Variants in AHI1 observed in about 807,000 individuals in gnomAD.
AHI1 encodes the protein Abelson helper integration site 1.
Under a neutral mutation model 149.3 loss-of-function variants are expected in AHI1, and 123 were observed. That is an observed-to-expected ratio of 0.82 (90% CI 0.71 to 0.96). The LOEUF is 0.96. Among genes scored for constraint, AHI1 ranks in the 40% least tolerant of loss-of-function variants. The probability of loss-of-function intolerance (pLI) is 0.00; values close to 1 mark genes in which losing one functional copy is unlikely to be tolerated. For missense variants in AHI1, 1,439 were observed against 1,422.7 expected (o/e 1.01, Z -0.18); for synonymous variants, 475 against 459.8 (o/e 1.03, Z -0.42).
In AHI1 at chr6:135,323,144, A is replaced by C; in HGVS notation, c.3328+18T>G. 1 of 1,594,122 alleles carries C rather than the reference A, an allele frequency of 6.3e-7. No homozygotes were observed. Among genetic ancestry groups the C allele is most frequent in the Non-Finnish European group, 8.6e-7 (1 of 1,167,716 alleles). Reference sequence around the variant, plus strand: ...GTTATACCATACTAGTAAACCAGGAAGGGAGCATAAAACTTACTTTCACTA... The same window carrying C: ...GTTATACCATACTAGTAAACCAGGACGGGAGCATAAAACTTACTTTCACTA... On this transcript the variant is annotated intron_variant, in intron 25 of 28. Coordinates refer to ENST00000265602, the MANE Select transcript of AHI1 (RefSeq NM_001134831.2).
rs763991049 is a variant in AHI1, at chr6:135,323,245, A to C, written c.3245T>G (p.Phe1082Cys). 9.3e-6 allele frequency: 15 copies of C among 1,613,768 alleles called. No individual in the cohort carries two copies. In the Admixed American group the frequency reaches 2.5e-4, roughly 27 times the overall value. The part of the protein sequence containing the change: ...IHRGDIIRVF[F>C]KDNEDWWYGS... Reference sequence around the variant, plus strand: ...ATACCACCAGTCTTCATTATCTTTGAAAAACACTCGGATAATGTCTCCGCG... The same window carrying C: ...ATACCACCAGTCTTCATTATCTTTGCAAAACACTCGGATAATGTCTCCGCG... Residue 1082 changes from phenylalanine (F) to cysteine (C), a missense_variant, in exon 25 of 29, where the codon TTC (phenylalanine) becomes TGC (cysteine). Physicochemically the swap from Phe to Cys is radical, Grantham distance 205 (BLOSUM62 -2). Transcript: ENST00000265602.
At chr6:135,399,669 A>T (rs1779742372) in intron 22 of AHI1, among the ~76,000 whole-genome samples, 1 of 151,972 alleles carries the variant, frequency 6.6e-6, no homozygotes, top group Admixed American at 6.6e-5. Flanking sequence ...TCTAATGCTG[A>T]TGTTTCTTAA....
chr6:135,463,943 C>T (rs1790334114), intron 7 of AHI1, among the ~76,000 whole-genome samples: 1 of 152,052 alleles, frequency 6.6e-6, no homozygotes, highest in African/African-American at 2.4e-5. Context: ...TGGACTTTCA[C>T]TATGTTGCTC....
chr6:135,431,150 G>A, intron 17 of AHI1, 58 bp downstream of exon 17: 2 of 1,153,600 alleles, frequency 1.7e-6, no homozygotes, highest in Non-Finnish European at 2.5e-6. Context: ...AAAGTCATGT[G>A]ATTGGATTTT....
At chr6:135,495,385 T>C (rs1217703920) in intron 3 of AHI1, 1 of 152,222 alleles carries the variant, frequency 6.6e-6, no homozygotes, top group Non-Finnish European at 1.5e-5. Flanking sequence ...TGAAACTACC[T>C]GCAGGCCTTC....
chr6:135,457,927 T>C (rs1308832874), intron 8 of AHI1, among the ~76,000 whole-genome samples: 1 of 152,182 alleles, frequency 6.6e-6, no homozygotes, highest in African/African-American at 2.4e-5. Context: ...AATCCTTGTT[T>C]ATATTTTTCC....
chr6:135,431,576 A>G (rs1331456590), intron 16 of AHI1, among the ~76,000 whole-genome samples: 2 of 152,180 alleles, frequency 1.3e-5, no homozygotes, highest in African/African-American at 4.8e-5. Flanking sequence ...AACTATAAAA[A>G]GAAATGAGCC....
chr6:135,335,633 T>A (rs767520939), intron 24 of AHI1, among the ~76,000 whole-genome samples: 67 of 152,126 alleles, frequency 4.4e-4, no homozygotes, highest in Non-Finnish European at 1.6e-4. Context: ...AAAATAATAA[T>A]TTGTGCATGA....
In AHI1 at chr6:135,438,399, G is replaced by A. The variant is rs772989270; in HGVS notation, c.2012C>T (p.Thr671Ile). ...SWSKDDHYIL[T>I]SSSDGTARIW... Reference sequence around the variant, plus strand: ...CCTGGCAGTGCCATCAGATGATGAAGTAAGGATGTAGTGATCATCTTTTGA... The same window carrying A: ...CCTGGCAGTGCCATCAGATGATGAAATAAGGATGTAGTGATCATCTTTTGA... Residue 671 changes from threonine to isoleucine, a missense_variant, in exon 15 of 29, where the codon ACT becomes ATT. By Grantham distance (89) the Thr-to-Ile change is moderately conservative. Coordinates refer to ENST00000265602, the MANE Select transcript of AHI1 (RefSeq NM_001134831.2). 58 of 1,576,582 alleles carry A rather than the reference G, an allele frequency of 3.7e-5. No homozygotes were observed. Among genetic ancestry groups the A allele is most frequent in the Non-Finnish European group, 4.9e-5 (57 of 1,158,972 alleles).
intron 20 of AHI1, among the ~76,000 whole-genome samples, chr6:135,422,501 T>G (rs1258114526): frequency 6.6e-6 from 1 of 151,600 alleles, no homozygotes; most frequent in Admixed American, 6.6e-5. Context: ...GCAGAGACTG[T>G]GTCTCAAGAA....
chr6:135,445,707 G>C (rs1457562840), intron 13 of AHI1, among the ~76,000 whole-genome samples: 5 of 151,938 alleles, frequency 3.3e-5, no homozygotes, highest in African/African-American at 1.2e-4. Context: ...CAAGTAGCTG[G>C]GACTACAGGT....
intron 15 of AHI1, chr6:135,435,323 T>C (rs1179069691): frequency 6.6e-6 from 1 of 152,184 alleles, no homozygotes; most frequent in African/African-American, 2.4e-5. Flanking sequence ...ATACTACATA[T>C]TGTGTGCAGA....
chr6:135,454,564 GA>G (rs1478898087), intron 10 of AHI1, among the ~76,000 whole-genome samples: 1 of 151,996 alleles, frequency 6.6e-6, no homozygotes, highest in Non-Finnish European at 1.5e-5. Flanking sequence ...AAATACCTAA[GA>G]GTAAAATAAT....
intron 26 of AHI1, among the ~76,000 whole-genome samples, chr6:135,306,515 T>G (rs549596176): frequency 6.6e-6 from 1 of 152,174 alleles, no homozygotes; most frequent in Admixed American, 6.5e-5. Context: ...CTGTAGAGAA[T>G]GGGGTAGAGT....
At chr6:135,468,993 C>T (rs1236739514) in intron 5 of AHI1, among the ~76,000 whole-genome samples, 1 of 152,158 alleles carries the variant, frequency 6.6e-6, no homozygotes, top group East Asian at 1.9e-4. Context: ...GGACTATTTC[C>T]TAACTCATTT....
chr6:135,378,344 ATAATT>A (rs1173317475), intron 23 of AHI1, among the ~76,000 whole-genome samples: 3 of 152,368 alleles, frequency 2.0e-5, no homozygotes, highest in African/African-American at 4.8e-5. Context: ...TAATGCCCAA[ATAATT>A]TAATTGTGCT....
rs1282973074 is a variant in AHI1 at position 135,394,775 on chromosome 6, C to T, written c.3109+1G>A. On this transcript the variant is annotated splice_donor_variant, in intron 23 of 28. Coordinates refer to ENST00000265602, the MANE Select transcript of AHI1 (RefSeq NM_001134831.2). LOFTEE classifies it high-confidence loss of function. The stretch of plus-strand genomic sequence containing the variant: ...ATTGTCAAAGTAAGAAAGGGGCTCA[C>T]CGGTCTGAGTGAAACCAAACTGATG... The T allele has an allele frequency of 1.9e-6, 3 of 1,610,066 alleles. No individual in the cohort carries two copies. Among genetic ancestry groups the T allele is most frequent in the Non-Finnish European group, 1.7e-6 (2 of 1,177,832 alleles).
chr6:135,420,215 T>C (rs77153724), intron 20 of AHI1, among the ~76,000 whole-genome samples: 3,894 of 152,300 alleles, frequency 0.026, 78 homozygotes, highest in Middle Eastern at 0.061. Context: ...CTTCCTCTTA[T>C]GAATCATGAA....
chr6:135,447,196 A>G (rs373719309), intron 12 of AHI1, 36 bp from the exon 13 acceptor site: 34 of 1,366,920 alleles, frequency 2.5e-5, no homozygotes, highest in Non-Finnish European at 3.1e-5. Context: ...TTTATATACC[A>G]TGTTCACCTT....
Sources: allele counts gnomAD v4.1 joint callset (sites outside exome capture counted in the v4.1 genomes callset), GRCh38; gene constraint gnomAD v4.1.1; transcripts MANE v1.5; gene names NCBI Gene and HGNC (gene_info 2026-07-23, HGNC 2026-07-21).